The following PLAU variants were observed in gnomAD, a reference collection of about 807,000 sequenced individuals.
The protein encoded by PLAU is urokinase-type plasminogen activator.
PLAU carries 32 observed loss-of-function variants against 48.9 expected under a neutral mutation model. The observed-to-expected ratio is 0.65, with a 90% CI of 0.49 to 0.88. PLAU has a LOEUF of 0.88. PLAU is among the 40% of genes least tolerant of loss of function. PLAU has a pLI of 0.00. For synonymous variants in PLAU, 199 were observed against 205.7 expected, an observed-to-expected ratio of 0.97 and a Z score of 0.28; for missense variants, 455 against 545.2, an observed-to-expected ratio of 0.83 and a Z score of 1.65.
chr10:73,909,110 A>C (rs1159342497), upstream of PLAU: 2 of 152,188 alleles, frequency 1.3e-5, no homozygotes, highest in African/African-American at 2.4e-5. Context: ...AAGGGGAGAA[A>C]GGGTGTCACG....
In PLAU at chr10:73,916,718, G is replaced by T; in HGVS notation, c.*153G>T. 1.5e-6 allele frequency: 1 copy of T among 655,302 alleles called. No individual in the cohort carries two copies. Among genetic ancestry groups the T allele is most frequent in the South Asian group, 1.9e-5 (1 of 51,322 alleles). The allele number at this position is 655,302 out of a possible 1,614,324, so 40.6% of individuals were successfully genotyped here. ...CCACCCACCAGGGCGAACGACAATAGCTTTACCCTCAGGCATAGGCCTGGG... is the reference window on the plus strand; with the variant it reads ...CCACCCACCAGGGCGAACGACAATATCTTTACCCTCAGGCATAGGCCTGGG... On this transcript the variant is annotated 3_prime_UTR_variant, in exon 11 of 11. Coordinates refer to ENST00000372764, the MANE Select transcript of PLAU (RefSeq NM_002658.6).
At chr10:73,909,213 G>A (rs370760281), upstream of PLAU, 8 of 152,298 alleles carry the variant, frequency 5.3e-5, no homozygotes, top group African/African-American at 1.9e-4. Context: ...AAGTAATCTG[G>A]AGTCATGAGA....
In PLAU at chr10:73,911,963, T is replaced by C. The variant is rs372430384; in HGVS notation, c.58-78T>C. On this transcript the variant is annotated intron_variant, in intron 2 of 10. Coordinates refer to ENST00000372764, the MANE Select transcript of PLAU (RefSeq NM_002658.6). ...GGAGAGGGAAGAGTGGGTTTTGGGATTGGGGCCAGTTTACCCTCACCCTGG... is the reference window on the plus strand; with the variant it reads ...GGAGAGGGAAGAGTGGGTTTTGGGACTGGGGCCAGTTTACCCTCACCCTGG... The C allele has an allele frequency of 4.3e-6, 7 of 1,613,836 alleles. No individual in the cohort carries two copies. In the African/African-American group the frequency reaches 6.7e-5, roughly 15 times the overall value.
chr10:73,914,809 G>A lies in PLAU; in HGVS notation c.863G>A (p.Cys288Tyr), dbSNP rs2096132847. 6.2e-7 allele frequency: 1 copy of A among 1,614,118 alleles called. No homozygotes were observed. Among genetic ancestry groups the A allele is most frequent in the Non-Finnish European group, 8.5e-7 (1 of 1,179,972 alleles). ...LLKIRSKEGR[C>Y]AQPSRTIQTI... ...AAGATCCGTTCCAAGGAGGGCAGGTGTGCGCAGCCATCCCGGACTATACAG... is the reference window on the plus strand; with the variant it reads ...AAGATCCGTTCCAAGGAGGGCAGGTATGCGCAGCCATCCCGGACTATACAG... The change falls in exon 9 of 11, where the codon TGT becomes TAT. Residue 288 changes from cysteine to tyrosine, a missense_variant. By Grantham distance (194) the Cys-to-Tyr change is radical. Coordinates refer to ENST00000372764, the MANE Select transcript of PLAU (RefSeq NM_002658.6).
At position 73,916,483 on chromosome 10, in the gene PLAU, A is replaced by T. The variant is rs1223586803; in HGVS notation, c.1214A>T (p.Lys405Met). 5 of 1,614,008 alleles carry T rather than the reference A, an allele frequency of 3.1e-6. No homozygotes were observed. The highest frequency in any genetic ancestry group is 4.2e-6 in the Non-Finnish European group (5 of 1,179,942). The change falls in exon 11 of 11, where the codon AAG (lysine) becomes ATG (methionine). Residue 405 changes from lysine to methionine, a missense_variant. Transcript: ENST00000372764. ...GGCCGTGGATGTGCCCTGAAGGACAAGCCAGGCGTCTACACGAGAGTCTCA... is the reference window on the plus strand; with the variant it reads ...GGCCGTGGATGTGCCCTGAAGGACATGCCAGGCGTCTACACGAGAGTCTCA... ...SWGRGCALKD[K>M]PGVYTRVSHF...
At chr10:73,916,299 C>A in intron 10 of PLAU, 90 bp from the exon 11 acceptor site, 2 of 1,177,726 alleles carry the variant, frequency 1.7e-6, no homozygotes, top group South Asian at 1.3e-5. Context: ...CTGGGAAACT[C>A]TTCCCTCTCT....
chr10:73,909,850 A>C (rs1195375573), upstream of PLAU: 1 of 151,964 alleles, frequency 6.6e-6, no homozygotes, highest in Non-Finnish European at 1.5e-5. Context: ...ACAGAATCAC[A>C]GAATCCCTGC....
At chr10:73,911,344 C>G (rs1393804687) in intron 1 of PLAU, 126 bp downstream of exon 1, 1 of 682,128 alleles carries the variant, frequency 1.5e-6, no homozygotes, top group Non-Finnish European at 2.5e-6. Context: ...GGAGTCAAGG[C>G]GCCCCGTCCC....
At chr10:73,913,873 A>G in intron 7 of PLAU, 107 bp from the exon 8 acceptor site, 1 of 1,378,780 alleles carries the variant, frequency 7.3e-7, no homozygotes, top group Non-Finnish European at 1.0e-6. Flanking sequence ...CTGTCCATGC[A>G]GCCCATGGCC....
At position 73,914,834 on chromosome 10, in the gene PLAU, G is replaced by A; in HGVS notation, c.888G>A (p.Gln296=). The A allele has an allele frequency of 6.2e-7, 1 of 1,614,164 alleles. No homozygotes were observed. Among genetic ancestry groups the A allele is most frequent in the South Asian group, 1.1e-5 (1 of 91,078 alleles). Residue 296 remains glutamine, a synonymous_variant, in exon 9 of 11, where the codon CAG becomes CAA. Coordinates refer to ENST00000372764, the MANE Select transcript of PLAU (RefSeq NM_002658.6). ...GRCAQPSRTI[Q]TICLPSMYND... The stretch of plus-strand genomic sequence containing the variant: ...GTGCGCAGCCATCCCGGACTATACA[G>A]ACCATCTGCCTGCCCTCGATGTATA...
In PLAU at chr10:73,916,662, G is replaced by C; in HGVS notation, c.*97G>C. The C allele has an allele frequency of 1.0e-6, 1 of 987,368 alleles. No individual in the cohort carries two copies. Among genetic ancestry groups the C allele is most frequent in the Non-Finnish European group, 1.5e-6 (1 of 672,104 alleles). 61.2% of individuals were successfully genotyped at this position (987,368 alleles called of 1,614,324 possible). On this transcript the variant is annotated 3_prime_UTR_variant, in exon 11 of 11. Coordinates refer to ENST00000372764, the MANE Select transcript of PLAU (RefSeq NM_002658.6). ...ATCAGCTGTAAGAAGAGACTGGGAA[G>C]ATAGGCTCTGCACAGATGGATTTGC...
In PLAU at chr10:73,915,345, C is replaced by T. The variant is rs1470451106; in HGVS notation, c.1065C>T (p.Val355=). The T allele has an allele frequency of 1.9e-6, 3 of 1,613,904 alleles. No homozygotes were observed. In the Admixed American group the frequency reaches 5.0e-5, roughly 27 times the overall value. ...AGCCCCACTACTACGGCTCTGAAGT[C>T]ACCACCAAAATGCTGTGTGCTGCTG... The part of the protein sequence containing the change: ...CQQPHYYGSE[V]TTKMLCAADP... Residue 355 remains valine (V), a synonymous_variant, in exon 10 of 11, where the codon GTC becomes GTT. Transcript: ENST00000372764.
intron 9 of PLAU, 26 bp from the exon 10 acceptor site, chr10:73,915,225 A>G (rs777328491): frequency 1.9e-6 from 3 of 1,599,788 alleles, no homozygotes; most frequent in Non-Finnish European, 2.6e-6. Flanking sequence ...TCTTGATGCA[A>G]ACGCCTCCCT....
intron 9 of PLAU, 142 bp downstream of exon 9, chr10:73,915,058 A>G: frequency 9.5e-7 from 1 of 1,051,086 alleles, no homozygotes; most frequent in Admixed American, 2.3e-5. Flanking sequence ...ATGGATGAAG[A>G]GTGTTGTTTA....
intron 9 of PLAU, 23 bp from the exon 10 acceptor site, chr10:73,915,228 G>A (rs373215033): frequency 7.5e-6 from 12 of 1,600,862 alleles, no homozygotes; most frequent in African/African-American, 4.0e-5. Flanking sequence ...TGATGCAAAC[G>A]CCTCCCTGTT....
rs540507727 is a variant in PLAU, at chr10:73,915,470, C to T, written c.1119+71C>T. On this transcript the variant is annotated intron_variant, in intron 10 of 10. Coordinates refer to ENST00000372764, the MANE Select transcript of PLAU (RefSeq NM_002658.6). ...GAGCTCCTGGGCTTGTTCCAGCCAGCTTAAGGGTGTCTCTCTCTAGCCAAA... is the reference window on the plus strand; with the variant it reads ...GAGCTCCTGGGCTTGTTCCAGCCAGTTTAAGGGTGTCTCTCTCTAGCCAAA... 775 of 1,435,552 alleles carry T rather than the reference C, an allele frequency of 5.4e-4. 1 individual carries two copies. Among genetic ancestry groups the T allele is most frequent in the Non-Finnish European group, 7.1e-4 (752 of 1,063,192 alleles). 88.9% of individuals were successfully genotyped at this position (1,435,552 alleles called of 1,614,324 possible).
chr10:73,914,737 G>T (rs1591617764), intron 8 of PLAU, 39 bp from the exon 9 acceptor site: 1 of 1,601,920 alleles, frequency 6.2e-7, no homozygotes, highest in East Asian at 2.2e-5. Flanking sequence ...CGCCTAACCA[G>T]TAGTGATCTT....
intron 2 of PLAU, chr10:73,911,824 C>G (rs760244673): frequency 6.4e-7 from 1 of 1,551,914 alleles, no homozygotes; most frequent in Non-Finnish European, 8.7e-7. Context: ...GCCGGGACTG[C>G]CCCAGCCTGC....
chr10:73,916,940 A>T lies in PLAU; in HGVS notation c.*375A>T. On this transcript the variant is annotated 3_prime_UTR_variant, in exon 11 of 11. Transcript: ENST00000372764. ...TGAGGCCCATGGTTGAGAAATGAAT[A>T]ATTTCCCAATTAGGAAGTGTAACAG... 1 of 187,122 alleles carries T rather than the reference A, an allele frequency of 5.3e-6. No individual in the cohort carries two copies. The highest frequency in any genetic ancestry group is 1.1e-5 in the Non-Finnish European group (1 of 89,120). 11.6% of individuals were successfully genotyped at this position (187,122 alleles called of 1,614,324 possible). A position where few individuals can be genotyped will look rare whatever the true frequency, so the allele number is the denominator to read the frequency against.
Sources: gnomAD v4.1 joint callset for allele counts on GRCh38, gnomAD v4.1.1 for gene constraint, MANE v1.5 for transcripts, NCBI Gene and HGNC (gene_info 2026-07-23, HGNC 2026-07-21) for gene names.